TMED10: variants seen among roughly 807,000 people sequenced by gnomAD.
TMED10 encodes transmembrane emp24 domain-containing protein 10.
Under a neutral mutation model 23.1 loss-of-function variants are expected in TMED10, and 7 were observed. That is an observed-to-expected ratio of 0.30 (90% CI 0.17 to 0.57). The LOEUF (loss-of-function observed/expected upper bound fraction) is 0.57, where lower values mean the gene tolerates loss of function less well. Ranked by LOEUF, TMED10 falls within the 20% of genes least tolerant of loss-of-function variation. The pLI is 0.91. For missense variants in TMED10, 162 were observed against 274.8 expected (o/e 0.59, Z 2.90); for synonymous variants, 113 against 106.9 (o/e 1.06, Z -0.35).
chr14:75,139,845 C>T (rs1397647315), intron 3 of TMED10, among the ~76,000 whole-genome samples: 1 of 152,044 alleles, frequency 6.6e-6, no homozygotes, highest in East Asian at 1.9e-4. Flanking sequence ...TCTAGCTTGC[C>T]ATTCCAAACA....
rs202228937 is a variant in TMED10 at position 75,138,764 on chromosome 14, TA to T, written c.412-2879del. 1.3e-3 allele frequency among the ~76,000 whole-genome samples: 192 copies of T among 146,392 alleles called. 1 individual carries two copies. The highest frequency in any genetic ancestry group is 4.5e-3 in the African/African-American group (179 of 40,018). ...TGCCTCTGCCAGCTGAAAATGATAT[TA>T]AAAAAAAAATTACTTTAAAGCCTAC... is the stretch of plus-strand genomic sequence containing the variant. On this transcript the variant is annotated intron_variant, in intron 3 of 4. Coordinates refer to ENST00000303575, the MANE Select transcript of TMED10 (RefSeq NM_006827.6).
At chr14:75,163,269 C>T (rs2080201) in intron 1 of TMED10, among the ~76,000 whole-genome samples, 61,599 of 151,396 alleles carry the variant, frequency 0.41, 13,059 homozygotes, top group Middle Eastern at 0.51. Context: ...AAAAAACTCA[C>T]GGGCCAGGCG....
intron 1 of TMED10, 81 bp downstream of exon 1, chr14:75,176,274 G>T: frequency 6.4e-7 from 1 of 1,553,686 alleles, no homozygotes. Flanking sequence ...GCCTCCGCCG[G>T]CCCGACTCCC....
chr14:75,151,889 C>T, intron 2 of TMED10, 143 bp downstream of exon 2: 1 of 685,572 alleles, frequency 1.5e-6, no homozygotes, highest in Non-Finnish European at 2.3e-6. Context: ...TTAAAAGGTG[C>T]TCCAAAGACT....
intron 1 of TMED10, among the ~76,000 whole-genome samples, chr14:75,165,584 C>A (rs1024941086): frequency 2.0e-5 from 3 of 152,130 alleles, no homozygotes; most frequent in African/African-American, 7.2e-5. Flanking sequence ...TAAACTCTGA[C>A]GGCTTAGGTG....
intron 1 of TMED10, among the ~76,000 whole-genome samples, chr14:75,154,401 CAAAAAAAAAAAAAAAAAA>C (rs1166201835): frequency 6.6e-4 from 10 of 15,254 alleles, no homozygotes; most frequent in Admixed American, 1.7e-3. Context: ...GACTCTGTCT[CAAAAAAAAAAAAAAAAAA>C]AAAAAAAAAA....
At chr14:75,165,605 T>A (rs1263027228) in intron 1 of TMED10, among the ~76,000 whole-genome samples, 1 of 152,198 alleles carries the variant, frequency 6.6e-6, no homozygotes, top group African/African-American at 2.4e-5. Context: ...CTACATTTAA[T>A]GGGCATAAAA....
intron 1 of TMED10, among the ~76,000 whole-genome samples, chr14:75,159,918 A>C (rs1896066519): frequency 6.6e-6 from 1 of 152,210 alleles, no homozygotes; most frequent in Non-Finnish European, 1.5e-5. Flanking sequence ...TCATTTCAAG[A>C]GGCTGAAGGC....
At chr14:75,167,420 T>C (rs1896178582) in intron 1 of TMED10, among the ~76,000 whole-genome samples, 1 of 151,416 alleles carries the variant, frequency 6.6e-6, no homozygotes, top group African/African-American at 2.4e-5. Flanking sequence ...CTCTCTTTTC[T>C]CCTCCTCGCC....
At chr14:75,140,115 C>T (rs1425608154) in intron 3 of TMED10, among the ~76,000 whole-genome samples, 1 of 152,186 alleles carries the variant, frequency 6.6e-6, no homozygotes, top group Non-Finnish European at 1.5e-5. Flanking sequence ...CACTGGCACC[C>T]TGATCTTGAA....
At chr14:75,147,772 T>C (rs1032454167) in intron 2 of TMED10, 35 bp from the exon 3 acceptor site, 6 of 1,612,478 alleles carry the variant, frequency 3.7e-6, no homozygotes, top group Non-Finnish European at 5.1e-6. Context: ...TTGTGTGAAA[T>C]ACTTAAAATT....
At chr14:75,151,718 T>C (rs1031612754) in intron 2 of TMED10, among the ~76,000 whole-genome samples, 7 of 152,198 alleles carry the variant, frequency 4.6e-5, no homozygotes, top group Non-Finnish European at 7.3e-5. Context: ...AGTCCACAGT[T>C]TACATTAGGA....
intron 3 of TMED10, chr14:75,139,093 C>A: frequency 2.2e-6 from 1 of 445,154 alleles, no homozygotes; most frequent in South Asian, 1.6e-5. Flanking sequence ...TCCTCAATTC[C>A]CACATTGCTT....
chr14:75,147,801 A>ACCCT (rs1895906537), intron 2 of TMED10, 64 bp from the exon 3 acceptor site: 1 of 1,261,596 alleles, frequency 7.9e-7, no homozygotes, highest in Admixed American at 2.5e-5. Context: ...TTACCCACCC[A>ACCCT]CCCGCCCGCC....
rs115968553 is a variant in TMED10 at position 75,155,589 on chromosome 14, C to T, written c.226-3446G>A. On this transcript the variant is annotated intron_variant, in intron 1 of 4. Coordinates refer to ENST00000303575, the MANE Select transcript of TMED10 (RefSeq NM_006827.6). ...AACAATTTTTATTTGCCAATTATAC[C>T]TCAATAAAGCTAACAGAGAGAGAGC... Among the ~76,000 whole-genome samples, 1,324 of 152,160 alleles carry T rather than the reference C, an allele frequency of 8.7e-3. 27 individuals are homozygous for T. Among genetic ancestry groups the T allele is most frequent in the African/African-American group, 0.03 (1,261 of 41,490 alleles).
rs1895711618 is a variant in TMED10 at position 75,133,479 on chromosome 14, G to A, written c.*1406C>T. 1 of 152,242 alleles carries A rather than the reference G, an allele frequency of 6.6e-6. No individual in the cohort carries two copies. The highest frequency in any genetic ancestry group is 2.1e-4 in the South Asian group (1 of 4,844). The allele number at this position is 152,242 out of a possible 1,614,324, so 9.4% of individuals were successfully genotyped here. A position where few individuals can be genotyped will look rare whatever the true frequency, so the allele number is the denominator to read the frequency against. ...ATGTGAATGGTTAAGATAAAAAATA[G>A]TAGTAATACCAAATGCTGGTGAGGA... On this transcript the variant is annotated 3_prime_UTR_variant, in exon 5 of 5. Transcript: ENST00000303575.
At chr14:75,142,001 A>G (rs979957077) in intron 3 of TMED10, among the ~76,000 whole-genome samples, 12 of 152,226 alleles carry the variant, frequency 7.9e-5, no homozygotes, top group South Asian at 2.1e-4. Context: ...AAAATCCTCA[A>G]TATCAAAATT....
chr14:75,138,812 CTTTTT>C (rs59707221), intron 3 of TMED10, among the ~76,000 whole-genome samples: 12 of 95,050 alleles, frequency 1.3e-4, no homozygotes, highest in Admixed American at 3.9e-4. Context: ...GCCTTTGCTT[CTTTTT>C]TTTTTTTTTT....
At chr14:75,172,519 A>G (rs576933710) in intron 1 of TMED10, among the ~76,000 whole-genome samples, 164 of 152,228 alleles carry the variant, frequency 1.1e-3, no homozygotes, top group African/African-American at 3.6e-3. Context: ...CGTGTTGGTC[A>G]GGCTGGTCTC....
Sources: gnomAD v4.1 joint callset for allele counts (sites outside exome capture counted in the v4.1 genomes callset) on GRCh38, gnomAD v4.1.1 for gene constraint, MANE v1.5 for transcripts, NCBI Gene and HGNC (gene_info 2026-07-23, HGNC 2026-07-21) for gene names.